Variants in SLC2A13 observed in about 807,000 individuals in gnomAD.
SLC2A13 encodes the protein solute carrier family 2 member 13.
In SLC2A13, 32 loss-of-function variants were observed where a neutral mutation model predicts 64.4. The observed-to-expected ratio is 0.50, with a 90% CI of 0.37 to 0.67. SLC2A13 has a LOEUF of 0.67. SLC2A13 is among the 30% of genes least tolerant of loss of function. SLC2A13 has a pLI of 0.00. For missense variants in SLC2A13, 743 were observed against 829.2 expected (o/e 0.90, Z 1.28); for synonymous variants, 338 against 327.1 (o/e 1.03, Z -0.36).
At chr12:39,988,402 A>G (rs1434903692) in intron 3 of SLC2A13, among the ~76,000 whole-genome samples, 3 of 151,922 alleles carry the variant, frequency 2.0e-5, no homozygotes, top group South Asian at 2.1e-4. Flanking sequence ...ATCTTTTCAT[A>G]TATCTATTAG....
chr12:39,957,561 C>T (rs1728745778), intron 3 of SLC2A13, among the ~76,000 whole-genome samples: 1 of 152,148 alleles, frequency 6.6e-6, no homozygotes, highest in Non-Finnish European at 1.5e-5. Flanking sequence ...TCATTTCATT[C>T]CCACATCCAG....
rs1485518793 is a variant in SLC2A13, at chr12:40,094,939, A to G, written c.556+10314T>C. Among the ~76,000 whole-genome samples the G allele has an allele frequency of 3.9e-5, 6 of 152,222 alleles. No homozygotes were observed. The South Asian group carries it at 1.2e-3, about 32-fold the overall frequency. Reference sequence around the variant, plus strand: ...AAACAGGAAGAAGACGCATCTGTGCAAGGCCCAGGCAGGAACAGCTGAGGA... The same window carrying G: ...AAACAGGAAGAAGACGCATCTGTGCGAGGCCCAGGCAGGAACAGCTGAGGA... On this transcript the variant is annotated intron_variant, in intron 1 of 9. Transcript: ENST00000280871.
At chr12:40,005,620 G>A (rs920093433) in intron 3 of SLC2A13, among the ~76,000 whole-genome samples, 1 of 152,144 alleles carries the variant, frequency 6.6e-6, no homozygotes, top group Non-Finnish European at 1.5e-5. Flanking sequence ...TAGGCCTCCC[G>A]TTAGACCTAC....
At chr12:39,785,935 A>G (rs1434684107) in intron 7 of SLC2A13, among the ~76,000 whole-genome samples, 1 of 152,156 alleles carries the variant, frequency 6.6e-6, no homozygotes, top group Admixed American at 6.5e-5. Flanking sequence ...TCCTCATTGT[A>G]TTTAGGAAGT....
intron 3 of SLC2A13, among the ~76,000 whole-genome samples, chr12:40,001,447 A>G (rs934661719): frequency 3.9e-5 from 6 of 152,252 alleles, no homozygotes; most frequent in African/African-American, 1.4e-4. Flanking sequence ...TACACCAAAA[A>G]TAATATCTTT....
At chr12:39,953,207 G>C (rs1024435501) in intron 3 of SLC2A13, among the ~76,000 whole-genome samples, 2 of 152,112 alleles carry the variant, frequency 1.3e-5, no homozygotes, top group African/African-American at 4.8e-5. Flanking sequence ...ACCAAAGTTT[G>C]ACTTGCCATA....
intron 1 of SLC2A13, chr12:40,068,364 C>T: frequency 1.4e-5 from 5 of 356,120 alleles, no homozygotes; most frequent in South Asian, 1.1e-4. Flanking sequence ...AGTATTATTA[C>T]CACTGTAGTG....
intron 2 of SLC2A13, among the ~76,000 whole-genome samples, chr12:40,029,167 G>A (rs138418057): frequency 2.0e-5 from 3 of 152,028 alleles, no homozygotes; most frequent in African/African-American, 4.8e-5. Context: ...ATTCTTAATG[G>A]CTGGCAAAAT....
chr12:39,774,996 T>C (rs1359011812), intron 7 of SLC2A13, among the ~76,000 whole-genome samples: 1 of 152,206 alleles, frequency 6.6e-6, no homozygotes, highest in East Asian at 1.9e-4. Context: ...GGAAAGAAAT[T>C]TGGCAATTTG....
intron 7 of SLC2A13, among the ~76,000 whole-genome samples, chr12:39,793,643 A>G (rs1941479552): frequency 6.6e-6 from 1 of 152,114 alleles, no homozygotes; most frequent in Non-Finnish European, 1.5e-5. Flanking sequence ...TTACTAGGAT[A>G]TATATTGCGT....
chr12:40,051,584 C>A (rs1418435750), intron 1 of SLC2A13, among the ~76,000 whole-genome samples: 2 of 152,038 alleles, frequency 1.3e-5, no homozygotes, highest in African/African-American at 2.4e-5. Context: ...ACCGGCCCAG[C>A]CTGAAGAGTC....
intron 3 of SLC2A13, among the ~76,000 whole-genome samples, chr12:39,971,983 G>GAAAAAAAAAAAA (rs1174701447): frequency 1.0e-5 from 1 of 95,808 alleles, no homozygotes; most frequent in Non-Finnish European, 2.0e-5. Flanking sequence ...AGTGTCTCCA[G>GAAAAAAAAAAAA]AAAAAAAAAA....
chr12:39,856,257 CCATT>C (rs1056013808), intron 6 of SLC2A13, among the ~76,000 whole-genome samples: 29 of 152,260 alleles, frequency 1.9e-4, no homozygotes, highest in African/African-American at 6.7e-4. Flanking sequence ...ATCCATCCAT[CCATT>C]CATCCATCCA....
chr12:39,813,992 C>T (rs575298582), intron 7 of SLC2A13, among the ~76,000 whole-genome samples: 333 of 152,252 alleles, frequency 2.2e-3, no homozygotes, highest in Non-Finnish European at 3.6e-3. Flanking sequence ...TGAGTGATTT[C>T]GTATATTACT....
chr12:39,911,659 A>G (rs916975123), intron 4 of SLC2A13, among the ~76,000 whole-genome samples: 8 of 152,154 alleles, frequency 5.3e-5, no homozygotes, highest in South Asian at 4.1e-4. Flanking sequence ...GTCTGTTTCC[A>G]CTATCTTTTG....
At chr12:40,053,982 G>T (rs568160462) in intron 1 of SLC2A13, among the ~76,000 whole-genome samples, 12 of 152,220 alleles carry the variant, frequency 7.9e-5, no homozygotes, top group Middle Eastern at 6.8e-3. Flanking sequence ...CCTCAACAAA[G>T]CTCATTATTC....
At position 39,830,240 on chromosome 12, in the gene SLC2A13, A is replaced by C. The variant is rs2135848631; in HGVS notation, c.1320-12T>G. On this transcript the variant is annotated splice_polypyrimidine_tract_variant and intron_variant, in intron 6 of 9. Transcript: ENST00000280871. Reference sequence around the variant, plus strand: ...ATTCATTACAGTAACTGAAAAATGAAAAGAGTTACCGTCATGTTGGCAGAG... The same window carrying C: ...ATTCATTACAGTAACTGAAAAATGACAAGAGTTACCGTCATGTTGGCAGAG... 1.2e-6 allele frequency: 2 copies of C among 1,610,976 alleles called. No homozygotes were observed. Among genetic ancestry groups the C allele is most frequent in the Middle Eastern group, 1.7e-4 (1 of 6,030 alleles).
rs1253623330 is a variant in SLC2A13 at position 39,797,735 on chromosome 12, C to CACACACAT, written c.1445+32367_1445+32368insATGTGTGT. 5.8e-3 allele frequency among the ~76,000 whole-genome samples: 118 copies of CACACACAT among 20,450 alleles called. 2 individuals carry two copies. Among genetic ancestry groups the CACACACAT allele is most frequent in the African/African-American group, 0.01 (104 of 10,042 alleles). The allele number at this position is 20,450 out of a possible 152,430, so 13.4% of individuals were successfully genotyped here. On this transcript the variant is annotated intron_variant, in intron 7 of 9. Transcript: ENST00000280871. ...ATAAGCCAGTTATGGTAAACACACA[C>CACACACAT]ACACACACACACACACACACACACA...
chr12:39,778,660 A>G (rs921603329), intron 7 of SLC2A13, among the ~76,000 whole-genome samples: 14 of 152,084 alleles, frequency 9.2e-5, no homozygotes, highest in Non-Finnish European at 1.9e-4. Context: ...AGTAAAATAG[A>G]CTCTATTGAA....
Sources: allele counts gnomAD v4.1 joint callset (sites outside exome capture counted in the v4.1 genomes callset), GRCh38; gene constraint gnomAD v4.1.1; transcripts MANE v1.5; gene names NCBI Gene and HGNC (gene_info 2026-07-23, HGNC 2026-07-21).